LARGE1: variants seen among roughly 807,000 people sequenced by gnomAD.
LARGE1 encodes LARGE xylosyl- and glucuronyltransferase 1.
A neutral mutation model predicts 87.6 loss-of-function variants in LARGE1; 43 were observed. That is an observed-to-expected ratio of 0.49 (90% CI 0.38 to 0.63). The LOEUF (loss-of-function observed/expected upper bound fraction) is 0.63, where lower values mean the gene tolerates loss of function less well. Ranked by LOEUF, LARGE1 falls within the 30% of genes least tolerant of loss-of-function variation. The probability of loss-of-function intolerance (pLI) is 0.00; values close to 1 mark genes in which losing one functional copy is unlikely to be tolerated. For missense variants in LARGE1, 802 were observed against 1,000.2 expected, an observed-to-expected ratio of 0.80 and a Z score of 2.67; for synonymous variants, 434 against 394.6, an observed-to-expected ratio of 1.10 and a Z score of -1.18.
At chr22:33,687,518 A>C (rs2081980220) in intron 2 of LARGE1, among the ~76,000 whole-genome samples, 1 of 152,156 alleles carries the variant, frequency 6.6e-6, no homozygotes, top group African/African-American at 2.4e-5. Flanking sequence ...CCCAGGGCTG[A>C]GAACAACAGG....
At chr22:33,596,010 T>C (rs1478743583) in intron 5 of LARGE1, among the ~76,000 whole-genome samples, 1 of 152,212 alleles carries the variant, frequency 6.6e-6, no homozygotes, top group Non-Finnish European at 1.5e-5. Flanking sequence ...GGTAATGATC[T>C]CTTATCTCTG....
chr22:33,720,921 C>A (rs151009031), intron 2 of LARGE1, among the ~76,000 whole-genome samples: 40 of 152,318 alleles, frequency 2.6e-4, no homozygotes, highest in African/African-American at 9.6e-4. Context: ...CCAGGAATGC[C>A]CTCCTCAAGC....
At chr22:33,147,028 C>T in the LARGE1 span, among the ~76,000 whole-genome samples, 2 of 152,224 alleles carry the variant, frequency 1.3e-5, no homozygotes, top group South Asian at 4.2e-4. Context: ...TTTTTTCACT[C>T]TTCATAATGT....
intron 1 of LARGE1, among the ~76,000 whole-genome samples, chr22:33,787,215 G>T (rs541769867): frequency 6.6e-6 from 1 of 152,082 alleles, no homozygotes; most frequent in East Asian, 1.9e-4. Context: ...CTGATTTGCT[G>T]GTTAACCTAA....
intron 11 of LARGE1, among the ~76,000 whole-genome samples, chr22:33,191,993 A>G (rs5998796): frequency 0.032 from 4,834 of 152,270 alleles, 268 homozygotes; most frequent in African/African-American, 0.11. Flanking sequence ...AGATTCTTAT[A>G]TGAAAACTGA....
chr22:33,318,978 G>T (rs16992122), intron 10 of LARGE1, among the ~76,000 whole-genome samples: 7,438 of 152,170 alleles, frequency 0.049, 331 homozygotes, highest in African/African-American at 0.13. Context: ...TGCTTCTGTA[G>T]AGCTTTGTAC....
intron 13 of LARGE1, among the ~76,000 whole-genome samples, chr22:33,277,725 G>C (rs958141115): frequency 5.3e-5 from 8 of 152,184 alleles, no homozygotes; most frequent in African/African-American, 1.9e-4. Flanking sequence ...AATTGTGAGA[G>C]AATAAATTTC....
chr22:33,657,143 A>C (rs2080982921), intron 2 of LARGE1: 1 of 152,240 alleles, frequency 6.6e-6, no homozygotes, highest in Non-Finnish European at 1.5e-5. Flanking sequence ...AAGGGGGCTC[A>C]GACCCTTTCA....
intron 5 of LARGE1, among the ~76,000 whole-genome samples, chr22:33,600,442 T>C (rs578158884): frequency 5.1e-4 from 78 of 152,258 alleles, no homozygotes; most frequent in Middle Eastern, 3.4e-3. Flanking sequence ...AAGAATACCC[T>C]CTGTGTTGAG....
At chr22:33,502,371 A>G (rs1292033597) in intron 6 of LARGE1, among the ~76,000 whole-genome samples, 1 of 152,012 alleles carries the variant, frequency 6.6e-6, no homozygotes, top group African/African-American at 2.4e-5. Flanking sequence ...AGCAGGTGTA[A>G]AGGGCCAGAG....
intron 1 of LARGE1, among the ~76,000 whole-genome samples, chr22:33,766,763 G>A (rs1315609472): frequency 1.3e-5 from 2 of 151,604 alleles, no homozygotes; most frequent in Non-Finnish European, 2.9e-5. Flanking sequence ...AAAGCTAAAT[G>A]TATTATATAA....
At chr22:33,734,770 C>T (rs2083596063) in intron 2 of LARGE1, among the ~76,000 whole-genome samples, 1 of 152,056 alleles carries the variant, frequency 6.6e-6, no homozygotes, top group Admixed American at 6.6e-5. Flanking sequence ...GACCTTCTCC[C>T]ACCTCTGTTT....
chr22:33,500,627 C>G (rs754088939), intron 6 of LARGE1, among the ~76,000 whole-genome samples: 4 of 152,168 alleles, frequency 2.6e-5, no homozygotes, highest in Non-Finnish European at 4.4e-5. Context: ...TCTTTGGTGA[C>G]TCTTTGACTT....
chr22:33,838,084 T>G (rs1315193066), intron 1 of LARGE1, among the ~76,000 whole-genome samples: 3 of 152,194 alleles, frequency 2.0e-5, no homozygotes, highest in Non-Finnish European at 2.9e-5. Flanking sequence ...AAATTTAATT[T>G]TCACGTGCTA....
intron 7 of LARGE1, among the ~76,000 whole-genome samples, chr22:33,396,155 G>C (rs921750088): frequency 2.0e-5 from 3 of 152,256 alleles, no homozygotes; most frequent in Admixed American, 6.5e-5. Flanking sequence ...ACACAGCGCA[G>C]CTGCTCAGCA....
intron 1 of LARGE1, among the ~76,000 whole-genome samples, chr22:33,767,669 T>C (rs1051576711): frequency 4.6e-5 from 7 of 151,968 alleles, no homozygotes; most frequent in African/African-American, 1.7e-4. Context: ...ATCATGGATG[T>C]TAGAAATAAT....
At chr22:33,757,369 G>A (rs2084555797) in intron 2 of LARGE1, among the ~76,000 whole-genome samples, 1 of 152,172 alleles carries the variant, frequency 6.6e-6, no homozygotes. Flanking sequence ...TACATCAGAC[G>A]TTAGAATCAG....
rs1350113632 is a variant in LARGE1, at chr22:33,491,057, A to G, written c.788-58792T>C. ...CAATTGCTGTGAGACCACCTCAGCC[A>G]GACACATCTTTGTTTACAAGGATCT... On this transcript the variant is annotated intron_variant, in intron 6 of 14. Transcript: ENST00000397394. Among the ~76,000 whole-genome samples, 37 of 152,232 alleles carry G rather than the reference A, an allele frequency of 2.4e-4. 1 individual carries two copies. The highest frequency in any genetic ancestry group is 2.4e-3 in the Admixed American group (37 of 15,284).
At chr22:33,542,733 C>T (rs942023043) in intron 6 of LARGE1, among the ~76,000 whole-genome samples, 6 of 151,514 alleles carry the variant, frequency 4.0e-5, no homozygotes, top group African/African-American at 1.2e-4. Flanking sequence ...GATCCATAGA[C>T]CTGAAAGAGA....
Sources: gnomAD v4.1 joint callset for allele counts (sites outside exome capture counted in the v4.1 genomes callset) on GRCh38, gnomAD v4.1.1 for gene constraint, MANE v1.5 for transcripts, NCBI Gene and HGNC (gene_info 2026-07-23, HGNC 2026-07-21) for gene names.